KIAA1671: variants seen among roughly 807,000 people sequenced by gnomAD.
KIAA1671 encodes KIAA1671.
A neutral mutation model predicts 131.2 loss-of-function variants in KIAA1671; 52 were observed. The ratio of observed to expected loss-of-function variants is 0.40; its 90% CI spans 0.32 to 0.50. The LOEUF is 0.50. Ranked by LOEUF, KIAA1671 falls within the 20% of genes least tolerant of loss-of-function variation. The pLI, the probability that KIAA1671 is intolerant of heterozygous loss-of-function variation, is 0.73. For synonymous variants in KIAA1671, 1,003 were observed against 961.6 expected (o/e 1.04, Z -0.80); for missense variants, 2,360 against 2,364.2 (o/e 1.00, Z 0.04).
intron 6 of KIAA1671, among the ~76,000 whole-genome samples, chr22:25,117,509 G>C (rs1201122845): frequency 6.6e-6 from 1 of 151,770 alleles, no homozygotes; most frequent in African/African-American, 2.4e-5. Context: ...GGCCGAGTGG[G>C]AGTATTTGCT....
At chr22:24,974,774 C>G (rs1205428113) in intron 1 of KIAA1671, among the ~76,000 whole-genome samples, 1 of 146,060 alleles carries the variant, frequency 6.8e-6, no homozygotes, top group Non-Finnish European at 1.5e-5. Context: ...CTCACTGCAA[C>G]CTCAACTTTC....
intron 6 of KIAA1671, among the ~76,000 whole-genome samples, chr22:25,137,817 A>G (rs1428344138): frequency 1.3e-5 from 2 of 152,232 alleles, no homozygotes; most frequent in Non-Finnish European, 2.9e-5. Flanking sequence ...CAGCTGGGAA[A>G]GTTTCCAGTA....
At position 25,071,158 on chromosome 22, in the gene KIAA1671, G is replaced by A. The variant is rs563899587; in HGVS notation, c.4530+21794G>A. 3.9e-5 allele frequency among the ~76,000 whole-genome samples: 6 copies of A among 152,306 alleles called. No individual in the cohort carries two copies. In the East Asian group the frequency reaches 1.2e-3, roughly 29 times the overall value. On this transcript the variant is annotated intron_variant, in intron 6 of 12. Coordinates refer to ENST00000358431, the MANE Select transcript of KIAA1671 (RefSeq NM_001145206.2). ...GTTGTGTGACATCCATCAGGGCTCT[G>A]GGAATAGAGGGACTTACCGAAGAAT...
intron 6 of KIAA1671, among the ~76,000 whole-genome samples, chr22:25,099,585 C>T (rs1289367519): frequency 3.2e-5 from 4 of 126,844 alleles, no homozygotes; most frequent in African/African-American, 6.3e-5. Flanking sequence ...GATAGAGTCT[C>T]GCTCAGTCAC....
At chr22:25,117,354 AG>A (rs1174063654) in intron 6 of KIAA1671, among the ~76,000 whole-genome samples, 1 of 152,024 alleles carries the variant, frequency 6.6e-6, no homozygotes, top group African/African-American at 2.4e-5. Flanking sequence ...AAGCACAGAG[AG>A]GGGAAGTCAC....
At chr22:25,105,048 G>T (rs557603163) in intron 6 of KIAA1671, among the ~76,000 whole-genome samples, 5 of 150,242 alleles carry the variant, frequency 3.3e-5, no homozygotes, top group Non-Finnish European at 7.4e-5. Flanking sequence ...TTTTGAGACT[G>T]AGTCTCGCTC....
chr22:24,994,547 C>CA (rs1220326462), intron 1 of KIAA1671, among the ~76,000 whole-genome samples: 2 of 152,180 alleles, frequency 1.3e-5, no homozygotes, highest in Non-Finnish European at 1.5e-5. Context: ...TTTGGTATGA[C>CA]AGAGTAGGCT....
At chr22:25,006,102 G>A (rs1378913395) in intron 1 of KIAA1671, among the ~76,000 whole-genome samples, 3 of 152,134 alleles carry the variant, frequency 2.0e-5, no homozygotes, top group African/African-American at 7.2e-5. Flanking sequence ...CGTGATCTTG[G>A]CTCATTGCAA....
chr22:25,153,901 G>A (rs1933134385), intron 6 of KIAA1671, among the ~76,000 whole-genome samples: 1 of 152,216 alleles, frequency 6.6e-6, no homozygotes, highest in African/African-American at 2.4e-5. Flanking sequence ...CTCACCCCAA[G>A]GCGCCTGCTA....
At chr22:25,056,226 T>A (rs1927832961) in intron 6 of KIAA1671, 1 of 149,268 alleles carries the variant, frequency 6.7e-6, no homozygotes, top group Admixed American at 6.7e-5. Context: ...GCAAATATTT[T>A]TTTCCCATTC....
intron 1 of KIAA1671, among the ~76,000 whole-genome samples, chr22:24,978,622 T>TA (rs1569196903): frequency 6.6e-6 from 1 of 152,130 alleles, no homozygotes; most frequent in African/African-American, 2.4e-5. Context: ...TGACTTGTTT[T>TA]AAAAACCCCA....
chr22:25,150,591 T>TCTA (rs1266082167), intron 6 of KIAA1671, among the ~76,000 whole-genome samples: 7 of 152,048 alleles, frequency 4.6e-5, no homozygotes, highest in Non-Finnish European at 1.0e-4. Context: ...TCACCTGGAC[T>TCTA]CTACCTCTCG....
intron 6 of KIAA1671, chr22:25,062,134 A>C (rs1928191991): frequency 6.7e-6 from 1 of 150,024 alleles, no homozygotes; most frequent in African/African-American, 2.5e-5. Flanking sequence ...TGATCCTCCC[A>C]CCTCAGCCTC....
intron 1 of KIAA1671, among the ~76,000 whole-genome samples, chr22:25,002,997 C>A (rs894053643): frequency 6.6e-6 from 1 of 152,136 alleles, no homozygotes; most frequent in South Asian, 2.1e-4. Context: ...GTCTCGAACT[C>A]CTGAGCTCAA....
intron 9 of KIAA1671, 114 bp from the exon 10 acceptor site, chr22:25,181,585 C>T (rs1394386921): frequency 7.7e-7 from 1 of 1,290,984 alleles, no homozygotes; most frequent in Non-Finnish European, 1.1e-6. Context: ...ATAGCGTCTT[C>T]TGTGCAGGTC....
chr22:25,068,464 CCTCA>C (rs1928613618), intron 6 of KIAA1671, among the ~76,000 whole-genome samples: 2 of 151,762 alleles, frequency 1.3e-5, no homozygotes, highest in South Asian at 4.2e-4. Context: ...TGAGACAGAG[CCTCA>C]CTCTGTCACC....
At chr22:25,148,149 GCA>G (rs1932924003) in intron 6 of KIAA1671, among the ~76,000 whole-genome samples, 1 of 151,740 alleles carries the variant, frequency 6.6e-6, no homozygotes, top group Non-Finnish European at 1.5e-5. Flanking sequence ...TGTGGTCCCG[GCA>G]CTCCCTCAGA....
chr22:25,071,314 C>G (rs79184198), intron 6 of KIAA1671, among the ~76,000 whole-genome samples: 3 of 152,130 alleles, frequency 2.0e-5, no homozygotes, highest in Admixed American at 6.5e-5. Context: ...GCCTTCTTGC[C>G]CAGAGAATTT....
intron 5 of KIAA1671, 155 bp from the exon 6 acceptor site, chr22:25,049,075 A>G (rs1224006525): frequency 1.6e-5 from 15 of 912,626 alleles, no homozygotes; most frequent in Non-Finnish European, 2.2e-5. Context: ...CTACCGCCCT[A>G]CATGTTACCT....
Sources: allele counts gnomAD v4.1 joint callset (sites outside exome capture counted in the v4.1 genomes callset), GRCh38; gene constraint gnomAD v4.1.1; transcripts MANE v1.5; gene names NCBI Gene and HGNC (gene_info 2026-07-23, HGNC 2026-07-21).